The following ATXN2 variants were observed in gnomAD, a reference collection of about 807,000 sequenced individuals.
ATXN2 encodes ataxin-2.
In ATXN2, 37 loss-of-function variants were observed where a neutral mutation model predicts 138.6. The observed-to-expected ratio is 0.27, with a 90% CI of 0.21 to 0.35. The LOEUF is 0.35. Ranked by LOEUF, ATXN2 falls within the 10% of genes least tolerant of loss-of-function variation. The pLI, the probability that ATXN2 is intolerant of heterozygous loss-of-function variation, is 1.00. For missense variants in ATXN2, 1,216 were observed against 1,480.3 expected, an observed-to-expected ratio of 0.82 and a Z score of 2.93; for synonymous variants, 549 against 543.7, an observed-to-expected ratio of 1.01 and a Z score of -0.13.
intron 18 of ATXN2, chr12:111,471,136 C>A (rs980584176): frequency 7.3e-5 from 15 of 205,666 alleles, no homozygotes; most frequent in African/African-American, 3.3e-4. Context: ...AAAGGCATGA[C>A]CAAAGAGCCA....
chr12:111,458,919 C>T (rs1875345654), intron 21 of ATXN2, among the ~76,000 whole-genome samples: 1 of 152,190 alleles, frequency 6.6e-6, no homozygotes, highest in Non-Finnish European at 1.5e-5. Context: ...AACTCTCCAG[C>T]CCTAACAGTT....
At chr12:111,599,619 CG>C (rs1566092338), upstream of ATXN2, 1 of 1,074,746 alleles carries the variant, frequency 9.3e-7, no homozygotes, top group East Asian at 6.2e-5. Context: ...GAGGTGGCCC[CG>C]GGGCCGGGAG....
At chr12:111,466,185 A>G (rs1466937505) in intron 20 of ATXN2, among the ~76,000 whole-genome samples, 2 of 148,614 alleles carry the variant, frequency 1.3e-5, no homozygotes, top group African/African-American at 4.9e-5. Flanking sequence ...AAAAAAAATA[A>G]AAAATAAATA....
intron 23 of ATXN2, chr12:111,455,119 A>G: frequency 1.4e-6 from 1 of 702,982 alleles, no homozygotes; most frequent in Non-Finnish European, 2.6e-6. Flanking sequence ...TCACTGGCGC[A>G]CTATTTAACA....
At chr12:111,561,269 G>A (rs1423913415) in intron 1 of ATXN2, among the ~76,000 whole-genome samples, 1 of 151,884 alleles carries the variant, frequency 6.6e-6, no homozygotes, top group Admixed American at 6.6e-5. Flanking sequence ...CAAGGCAGGT[G>A]GATCACCTGA....
At chr12:111,459,659 C>T (rs1468821478) in intron 21 of ATXN2, among the ~76,000 whole-genome samples, 5 of 151,972 alleles carry the variant, frequency 3.3e-5, no homozygotes, top group African/African-American at 7.3e-5. Context: ...AGGCTGGTCT[C>T]GAACTACTGG....
At chr12:111,455,695 A>G (rs1475847353) in intron 23 of ATXN2, 1 of 396,266 alleles carries the variant, frequency 2.5e-6, no homozygotes, top group East Asian at 5.7e-5. Context: ...AGGGGAATAT[A>G]TATGTACACA....
At chr12:111,461,499 AAAT>A (rs909530710) in intron 21 of ATXN2, among the ~76,000 whole-genome samples, 3 of 151,682 alleles carry the variant, frequency 2.0e-5, no homozygotes, top group African/African-American at 7.3e-5. Flanking sequence ...ATAAATAAAT[AAAT>A]AATAATAATA....
chr12:111,497,633 ATATATT>A (rs1242676706), intron 14 of ATXN2, among the ~76,000 whole-genome samples: 1 of 151,200 alleles, frequency 6.6e-6, no homozygotes, highest in African/African-American at 2.4e-5. Flanking sequence ...AAATATATAT[ATATATT>A]ATTTATACTG....
intron 1 of ATXN2, among the ~76,000 whole-genome samples, chr12:111,590,057 T>C (rs1884578031): frequency 6.9e-6 from 1 of 144,312 alleles, no homozygotes; most frequent in South Asian, 2.2e-4. Flanking sequence ...TAAAAAAAAA[T>C]ACAAAAATTT....
Position 111,598,958 on chromosome 12 carries a change from TGC to T in ATXN2, c.75_76del (p.Gln26AlafsTer63). On this transcript the variant is annotated frameshift_variant, in exon 1 of 25. Transcript: ENST00000673436. LOFTEE classifies it high-confidence loss of function. The surrounding 1 kb of genome is among the most constrained non-coding windows in gnomAD (Gnocchi z 4.5). ...GGCAGCCGCGGGCGGCGGCTGCTGC[TGC>T]TGCTGCTGCTGCTGCTGTTGCTGCT... is the stretch of plus-strand genomic sequence containing the variant. The T allele has an allele frequency of 1.4e-6, 2 of 1,480,934 alleles. No homozygotes were observed. The highest frequency in any genetic ancestry group is 1.8e-6 in the Non-Finnish European group (2 of 1,111,536). The allele number at this position is 1,480,934 out of a possible 1,614,324, so 91.7% of individuals were successfully genotyped here. A position where few individuals can be genotyped will look rare whatever the true frequency, so the allele number is the denominator to read the frequency against.
intron 10 of ATXN2, among the ~76,000 whole-genome samples, chr12:111,514,908 G>GT (rs1477540644): frequency 6.6e-6 from 1 of 152,174 alleles, no homozygotes; most frequent in Non-Finnish European, 1.5e-5. Context: ...TCTGTGTGAA[G>GT]TTAATACATG....
At chr12:111,559,555 C>CGA (rs1566063861) in intron 1 of ATXN2, among the ~76,000 whole-genome samples, 1 of 151,266 alleles carries the variant, frequency 6.6e-6, no homozygotes, top group Non-Finnish European at 1.5e-5. Flanking sequence ...GGGTGGATCA[C>CGA]GAGCTCAGAA....
intron 14 of ATXN2, among the ~76,000 whole-genome samples, chr12:111,492,872 T>C (rs1028016291): frequency 1.3e-5 from 2 of 152,096 alleles, no homozygotes; most frequent in South Asian, 2.1e-4. Flanking sequence ...ATAAGAGATA[T>C]GTGAACTTTC....
rs1366642692 is a variant in ATXN2, at chr12:111,510,542, G to C, written c.1599C>G (p.Pro533=). The change falls in exon 12 of 25, where the codon CCC becomes CCG. Residue 533 remains proline, a synonymous_variant. Transcript: ENST00000673436. Reference sequence around the variant, plus strand: ...GGGTATTTCCAATACTGTTCTGTCTGGGAGACCTGGGTCTATGAGTTTTAG... The same window carrying C: ...GGGTATTTCCAATACTGTTCTGTCTCGGAGACCTGGGTCTATGAGTTTTAG... ...LSPKTHRPRS[P]RQNSIGNTPS... is the part of the protein sequence containing the mutation. 1 of 1,613,878 alleles carries C rather than the reference G, an allele frequency of 6.2e-7. No homozygotes were observed. Among genetic ancestry groups the C allele is most frequent in the Middle Eastern group, 1.7e-4 (1 of 6,060 alleles).
intron 5 of ATXN2, among the ~76,000 whole-genome samples, chr12:111,537,010 C>T (rs996797267): frequency 1.8e-4 from 27 of 151,690 alleles, no homozygotes; most frequent in African/African-American, 3.4e-4. Context: ...CTCGAACTCC[C>T]GGCCTCAAAT....
intron 8 of ATXN2, 44 bp from the exon 9 acceptor site, chr12:111,518,471 C>T (rs1371080356): frequency 6.5e-7 from 1 of 1,539,844 alleles, no homozygotes; most frequent in South Asian, 1.2e-5. Flanking sequence ...CTAAAAGGTA[C>T]CAAGCCAATG....
At chr12:111,526,401 CTCT>C (rs1566043554) in intron 5 of ATXN2, among the ~76,000 whole-genome samples, 4 of 135,170 alleles carry the variant, frequency 3.0e-5, no homozygotes, top group African/African-American at 1.3e-4. Context: ...TCAAAAATAT[CTCT>C]TTTTTTTTTT....
chr12:111,511,667 T>C (rs1232267083), intron 11 of ATXN2: 2 of 152,112 alleles, frequency 1.3e-5, no homozygotes, highest in African/African-American at 4.8e-5. Flanking sequence ...CGTTTCACCA[T>C]GTTGGCCAGG....
Sources: allele counts gnomAD v4.1 joint callset (sites outside exome capture counted in the v4.1 genomes callset), GRCh38; gene constraint gnomAD v4.1.1; non-coding constraint Gnocchi (gnomAD v3.1); transcripts MANE v1.5; gene names NCBI Gene and HGNC (gene_info 2026-07-23, HGNC 2026-07-21).